The following UBR2 variants were observed in gnomAD, a reference collection of about 807,000 sequenced individuals.
UBR2 encodes the protein ubiquitin protein ligase E3 component n-recognin 2, also known as E3 ubiquitin-protein ligase UBR2.
In UBR2, 92 loss-of-function variants were observed where a neutral mutation model predicts 247.9. The ratio of observed to expected loss-of-function variants is 0.37; its 90% CI spans 0.31 to 0.44. The LOEUF is 0.44. Ranked by LOEUF, UBR2 falls within the 20% of genes least tolerant of loss-of-function variation. The pLI, the probability that UBR2 is intolerant of heterozygous loss-of-function variation, is 1.00. For synonymous variants in UBR2, 672 were observed against 693.5 expected (o/e 0.97, Z 0.49); for missense variants, 1,613 against 2,112.6 (o/e 0.76, Z 4.64).
chr6:42,635,355 G>T, intron 13 of UBR2, 63 bp from the exon 14 acceptor site: 2 of 1,503,258 alleles, frequency 1.3e-6, no homozygotes, highest in East Asian at 2.4e-5. Context: ...TTACTTCTTA[G>T]GTTTCCATAT....
chr6:42,619,781 G>T, intron 11 of UBR2: 1 of 209,440 alleles, frequency 4.8e-6, no homozygotes, highest in Non-Finnish European at 8.3e-6. Context: ...GAGGTGGCAC[G>T]ATCACAGCTC....
At chr6:42,672,330 G>T (rs185296262) in intron 36 of UBR2, among the ~76,000 whole-genome samples, 5 of 152,066 alleles carry the variant, frequency 3.3e-5, no homozygotes, top group East Asian at 3.9e-4. Context: ...ACCATTCCCG[G>T]CCTAGATACA....
At chr6:42,637,318 C>G (rs1252001499) in intron 15 of UBR2, 124 bp downstream of exon 15, 1 of 1,061,238 alleles carries the variant, frequency 9.4e-7, no homozygotes, top group East Asian at 2.6e-5. Flanking sequence ...ATTAACTTAT[C>G]CAATCATCAC....
At chr6:42,662,344 G>T in intron 31 of UBR2, 67 bp downstream of exon 31, 1 of 1,006,314 alleles carries the variant, frequency 9.9e-7, no homozygotes. Context: ...TTAAATAGAG[G>T]AAATTTCATT....
At chr6:42,676,309 T>C (rs935644265) in intron 39 of UBR2, 118 bp downstream of exon 39, 1 of 1,140,626 alleles carries the variant, frequency 8.8e-7, no homozygotes, top group Non-Finnish European at 1.2e-6. Flanking sequence ...AGGCTGTTTT[T>C]TTCTGTGTAT....
chr6:42,623,783 TTA>T (rs1187519974), intron 11 of UBR2, among the ~76,000 whole-genome samples: 1 of 152,220 alleles, frequency 6.6e-6, no homozygotes, highest in Non-Finnish European at 1.5e-5. Flanking sequence ...GAATATGTGT[TTA>T]ATTTTCATGA....
At chr6:42,595,258 T>C (rs9394911) in intron 4 of UBR2, among the ~76,000 whole-genome samples, 119,445 of 152,236 alleles carry the variant, frequency 0.78, 47,767 homozygotes, top group African/African-American at 0.94. Context: ...ACTCATTCTT[T>C]CTATCTAGCT....
chr6:42,643,493 G>A (rs1248095693), intron 18 of UBR2, among the ~76,000 whole-genome samples: 3 of 152,112 alleles, frequency 2.0e-5, no homozygotes, highest in Admixed American at 6.5e-5. Context: ...CTACTTGGGA[G>A]GCCAAGACAG....
chr6:42,587,771 T>C (rs950548383), intron 2 of UBR2, among the ~76,000 whole-genome samples: 1 of 152,214 alleles, frequency 6.6e-6, no homozygotes, highest in African/African-American at 2.4e-5. Context: ...TTATTAGTTA[T>C]CTCAGTTTAT....
At chr6:42,613,859 A>AT (rs1794244360) in intron 8 of UBR2, among the ~76,000 whole-genome samples, 2 of 151,632 alleles carry the variant, frequency 1.3e-5, no homozygotes, top group Non-Finnish European at 2.9e-5. Flanking sequence ...TGCTTGAAAA[A>AT]GATGAAAACA....
At position 42,644,344 on chromosome 6, in the gene UBR2, C is replaced by T. The variant is rs150327996; in HGVS notation, c.2220+8C>T. 5.0e-4 allele frequency: 803 copies of T among 1,610,150 alleles called. 3 individuals are homozygous for T. In the African/African-American group the frequency reaches 9.1e-3, roughly 18 times the overall value. On this transcript the variant is annotated splice_region_variant and intron_variant, in intron 19 of 46. Coordinates refer to ENST00000372901, the MANE Select transcript of UBR2 (RefSeq NM_001363705.2). ...TCTGAGATTACCCATAAGGTAAGAA[C>T]GTGTTTTATGAAACCACAACACATT...
chr6:42,676,728 T>G lies in UBR2; in HGVS notation c.4388-55T>G. 3 of 1,389,402 alleles carry G rather than the reference T, an allele frequency of 2.2e-6. No individual in the cohort carries two copies. The Admixed American group carries it at 5.1e-5, about 23-fold the overall frequency. The allele number at this position is 1,389,402 out of a possible 1,614,324, so 86.1% of individuals were successfully genotyped here. ...TTTGCATGCTTAATGTCTTCAGTCC[T>G]TTTGATAACACTTAATTGGAAAATA... On this transcript the variant is annotated intron_variant, in intron 39 of 46. Coordinates refer to ENST00000372901, the MANE Select transcript of UBR2 (RefSeq NM_001363705.2).
At chr6:42,601,330 A>G (rs976035341) in intron 4 of UBR2, among the ~76,000 whole-genome samples, 1 of 152,134 alleles carries the variant, frequency 6.6e-6, no homozygotes, top group Non-Finnish European at 1.5e-5. Context: ...AAGTGATTTC[A>G]CCATGTCAGT....
chr6:42,607,876 A>G (rs1793815478), intron 7 of UBR2, among the ~76,000 whole-genome samples: 2 of 152,118 alleles, frequency 1.3e-5, no homozygotes, highest in South Asian at 2.1e-4. Context: ...GTCTTTAAAC[A>G]TTATGTAACA....
chr6:42,648,315 G>A, intron 22 of UBR2, 145 bp downstream of exon 22: 2 of 697,892 alleles, frequency 2.9e-6, no homozygotes, highest in East Asian at 2.7e-5. Flanking sequence ...CTCTGAATTA[G>A]ATTTCTCACT....
chr6:42,687,977 ATTTAT>A (rs1299452092), intron 44 of UBR2, among the ~76,000 whole-genome samples: 2 of 26,316 alleles, frequency 7.6e-5, no homozygotes, highest in Admixed American at 3.6e-4. Flanking sequence ...TGATGATTTT[ATTTAT>A]TTTTTTTTCT....
chr6:42,582,175 C>T (rs1019839891), intron 2 of UBR2, among the ~76,000 whole-genome samples: 2 of 148,916 alleles, frequency 1.3e-5, no homozygotes, highest in Admixed American at 1.4e-4. Flanking sequence ...CCCAGTTACT[C>T]GGGAGGCTGA....
intron 11 of UBR2, among the ~76,000 whole-genome samples, chr6:42,631,071 T>A (rs1464112389): frequency 6.6e-6 from 1 of 152,232 alleles, no homozygotes; most frequent in Non-Finnish European, 1.5e-5. Flanking sequence ...CCCAAAGTGC[T>A]GGCGTTACAG....
intron 46 of UBR2, among the ~76,000 whole-genome samples, chr6:42,690,493 A>T (rs902824968): frequency 4.6e-5 from 7 of 152,198 alleles, no homozygotes; most frequent in Non-Finnish European, 1.0e-4. Context: ...AACCCACCAA[A>T]GCTTGCACTT....
Sources: allele counts gnomAD v4.1 joint callset (sites outside exome capture counted in the v4.1 genomes callset), GRCh38; gene constraint gnomAD v4.1.1; transcripts MANE v1.5; gene names NCBI Gene and HGNC (gene_info 2026-07-23, HGNC 2026-07-21).